TAFA1: variants seen among roughly 807,000 people sequenced by gnomAD.
TAFA1 encodes chemokine-like protein TAFA-1.
Under a neutral mutation model 18.5 loss-of-function variants are expected in TAFA1, and 4 were observed. The observed-to-expected ratio is 0.22, with a 90% CI of 0.11 to 0.49. TAFA1 has a LOEUF of 0.49. Among genes scored for constraint, TAFA1 ranks in the 20% least tolerant of loss-of-function variants. TAFA1 has a pLI of 0.98. For missense variants in TAFA1, 147 were observed against 169.0 expected (o/e 0.87, Z 0.72); for synonymous variants, 56 against 55.2 (o/e 1.01, Z -0.06).
intron 2 of TAFA1, among the ~76,000 whole-genome samples, chr3:68,230,960 GATAA>G (rs780753381): frequency 1.3e-5 from 2 of 152,176 alleles, no homozygotes; most frequent in Non-Finnish European, 2.9e-5. Context: ...TTTTCAAACA[GATAA>G]ATAACTATTT....
At chr3:68,000,035 C>T (rs1424027399), upstream of TAFA1, among the ~76,000 whole-genome samples, 42 of 152,226 alleles carry the variant, frequency 2.8e-4, no homozygotes, top group Non-Finnish European at 4.3e-4. Context: ...GCCATCTGCC[C>T]GCCTCGGCCT....
At chr3:68,458,008 A>T (rs1440093330) in intron 3 of TAFA1, among the ~76,000 whole-genome samples, 2 of 152,124 alleles carry the variant, frequency 1.3e-5, no homozygotes, top group African/African-American at 4.8e-5. Flanking sequence ...CATTTTAATG[A>T]TCTGGTGATA....
intron 3 of TAFA1, among the ~76,000 whole-genome samples, chr3:68,508,548 T>G (rs2175515): frequency 2.6e-5 from 4 of 151,934 alleles, no homozygotes; most frequent in African/African-American, 4.8e-5. Flanking sequence ...ACACAACTCA[T>G]GAAGTAACCA....
intron 2 of TAFA1, among the ~76,000 whole-genome samples, chr3:68,107,860 C>G (rs770779363): frequency 6.6e-6 from 1 of 152,112 alleles, no homozygotes; most frequent in Non-Finnish European, 1.5e-5. Context: ...TTCCAATTTA[C>G]CACTTGTGTT....
chr3:68,244,118 T>C (rs1455799649), intron 2 of TAFA1, among the ~76,000 whole-genome samples: 1 of 152,198 alleles, frequency 6.6e-6, no homozygotes, highest in African/African-American at 2.4e-5. Context: ...TTACCTATTT[T>C]ATAATTAGGT....
At chr3:68,123,919 A>T (rs755070372) in intron 2 of TAFA1, among the ~76,000 whole-genome samples, 9,463 of 106,812 alleles carry the variant, frequency 0.089, 519 homozygotes, top group Middle Eastern at 0.14. Flanking sequence ...AAAAAAAAAA[A>T]GCTTTCTTTT....
chr3:68,453,561 A>G (rs542624172), intron 3 of TAFA1, among the ~76,000 whole-genome samples: 2 of 152,288 alleles, frequency 1.3e-5, no homozygotes, highest in Admixed American at 6.5e-5. Context: ...GTTCTTAATT[A>G]TATTTGATAC....
intron 3 of TAFA1, among the ~76,000 whole-genome samples, chr3:68,475,787 G>GTGTAAAAA (rs1282227338): frequency 6.6e-6 from 1 of 151,644 alleles, no homozygotes; most frequent in South Asian, 2.1e-4. Flanking sequence ...CAGTGTAAAA[G>GTGTAAAAA]TGTTCCTATT....
intron 2 of TAFA1, among the ~76,000 whole-genome samples, chr3:68,260,969 C>T (rs1043359962): frequency 2.6e-5 from 4 of 152,168 alleles, no homozygotes; most frequent in Admixed American, 2.6e-4. Flanking sequence ...AAACTAACGT[C>T]AGAGTGAACA....
Position 68,235,032 on chromosome 3 carries a change from C to T in TAFA1, c.119-182248C>T, listed in dbSNP as rs1408371099. On this transcript the variant is annotated intron_variant, in intron 2 of 4. Transcript: ENST00000478136. ...CCTGCCCCCACCTTGTATGCACACA[C>T]GTTTATATACACGTTTGCTGGAGTT... 6.6e-5 allele frequency among the ~76,000 whole-genome samples: 10 copies of T among 152,226 alleles called. No individual in the cohort carries two copies. In the East Asian group the frequency reaches 1.4e-3, roughly 21 times the overall value.
intron 3 of TAFA1, among the ~76,000 whole-genome samples, chr3:68,472,432 C>T (rs189927666): frequency 6.6e-6 from 1 of 151,810 alleles, no homozygotes; most frequent in East Asian, 1.9e-4. Context: ...TTATTAACAG[C>T]ATAAGAATGG....
At chr3:68,147,297 A>C (rs1470938510) in intron 2 of TAFA1, among the ~76,000 whole-genome samples, 1 of 151,984 alleles carries the variant, frequency 6.6e-6, no homozygotes, top group East Asian at 1.9e-4. Flanking sequence ...GACCACTCTT[A>C]TAGTTTAGAG....
intron 2 of TAFA1, among the ~76,000 whole-genome samples, chr3:68,210,659 C>T (rs924083192): frequency 8.5e-5 from 13 of 152,066 alleles, no homozygotes; most frequent in Admixed American, 7.2e-4. Flanking sequence ...AAGCTCTATT[C>T]AGTAAGCCAC....
At chr3:68,322,256 A>T (rs2068706967) in intron 2 of TAFA1, among the ~76,000 whole-genome samples, 1 of 152,234 alleles carries the variant, frequency 6.6e-6, no homozygotes, top group South Asian at 2.1e-4. Flanking sequence ...ACATAAAAAT[A>T]GTATTTTAAC....
intron 2 of TAFA1, among the ~76,000 whole-genome samples, chr3:68,122,436 G>A (rs2065411928): frequency 6.6e-6 from 1 of 152,070 alleles, no homozygotes. Flanking sequence ...GTGTTCTAGA[G>A]GAAGTGAAGA....
intron 2 of TAFA1, among the ~76,000 whole-genome samples, chr3:68,374,976 G>A (rs374972405): frequency 5.3e-5 from 8 of 151,898 alleles, no homozygotes; most frequent in African/African-American, 1.7e-4. Context: ...TTTCTCTCTC[G>A]GTGATGGCTT....
At chr3:68,044,343 T>A (rs1254950407) in intron 2 of TAFA1, among the ~76,000 whole-genome samples, 2 of 152,210 alleles carry the variant, frequency 1.3e-5, no homozygotes, top group Non-Finnish European at 2.9e-5. Context: ...CCTAGTGTCT[T>A]ACAAAATGAT....
At chr3:68,149,933 C>T (rs1262130497) in intron 2 of TAFA1, among the ~76,000 whole-genome samples, 1 of 152,148 alleles carries the variant, frequency 6.6e-6, no homozygotes. Context: ...GTCTGCAATA[C>T]TTTCTTCCTT....
At chr3:68,471,041 C>T (rs1249642755) in intron 3 of TAFA1, among the ~76,000 whole-genome samples, 1 of 152,174 alleles carries the variant, frequency 6.6e-6, no homozygotes, top group Non-Finnish European at 1.5e-5. Flanking sequence ...ACTCTCCAGC[C>T]ATGGCTAAAA....
Sources: allele counts gnomAD v4.1 joint callset (sites outside exome capture counted in the v4.1 genomes callset), GRCh38; gene constraint gnomAD v4.1.1; transcripts MANE v1.5; gene names NCBI Gene and HGNC (gene_info 2026-07-23, HGNC 2026-07-21).